SLCO6A1: variants seen among roughly 807,000 people sequenced by gnomAD.
SLCO6A1 encodes cancer/testis antigen 48.
A neutral mutation model predicts 72.7 loss-of-function variants in SLCO6A1; 65 were observed. That is an observed-to-expected ratio of 0.89 (90% CI 0.73 to 1.10). SLCO6A1 has a LOEUF of 1.10. SLCO6A1 is among the 50% of genes least tolerant of loss of function. The pLI, the probability that SLCO6A1 is intolerant of heterozygous loss-of-function variation, is 0.00. For synonymous variants in SLCO6A1, 314 were observed against 298.2 expected, an observed-to-expected ratio of 1.05 and a Z score of -0.55; for missense variants, 874 against 872.6, an observed-to-expected ratio of 1.00 and a Z score of -0.02.
chr5:102,427,945 T>G (rs1749005944), intron 7 of SLCO6A1, among the ~76,000 whole-genome samples: 1 of 147,724 alleles, frequency 6.8e-6, no homozygotes, highest in African/African-American at 2.5e-5. Context: ...ATTGGCTCAC[T>G]GTAACCTCTG....
chr5:102,475,791 T>A lies in SLCO6A1; in HGVS notation c.805A>T (p.Ile269Phe). The A allele has an allele frequency of 6.3e-7, 1 of 1,599,304 alleles. No individual in the cohort carries two copies. The highest frequency in any genetic ancestry group is 2.2e-5 in the East Asian group (1 of 44,562). Residue 269 changes from isoleucine (I) to phenylalanine (F), a missense_variant and splice_region_variant, in exon 4 of 14, where the codon ATT becomes TTT. Transcript: ENST00000506729. The part of the protein sequence containing the change: ...ATHSAGIYLG[I>F]AECTSMIGYA... ...CCAATCATTGATGTACATTCTGCAA[T>A]ACCTGTAAAATAAGCACTGAAACTG...
chr5:102,494,901 A>G (rs1752840375), intron 1 of SLCO6A1, among the ~76,000 whole-genome samples: 1 of 152,230 alleles, frequency 6.6e-6, no homozygotes. Context: ...TATCTATCCA[A>G]CAGAAACAAA....
At position 102,453,347 on chromosome 5, in the gene SLCO6A1, A is replaced by C. The variant is rs941780884; in HGVS notation, c.1131+5035T>G. On this transcript the variant is annotated intron_variant, in intron 6 of 13. Transcript: ENST00000506729. ...AGTGAGACCCTGCCTCAAAAAAAAA[A>C]AAAAAAGAAAGAAAGAAAGGAAAAA... Among the ~76,000 whole-genome samples, 102 of 152,142 alleles carry C rather than the reference A, an allele frequency of 6.7e-4. 2 individuals carry two copies. The highest frequency in any genetic ancestry group is 5.7e-3 in the Admixed American group (87 of 15,262).
intron 4 of SLCO6A1, among the ~76,000 whole-genome samples, chr5:102,473,090 A>G (rs1751711537): frequency 1.3e-5 from 2 of 152,028 alleles, no homozygotes; most frequent in South Asian, 4.1e-4. Flanking sequence ...AAATCCTCCA[A>G]GTAACTGAAG....
intron 4 of SLCO6A1, among the ~76,000 whole-genome samples, chr5:102,465,181 T>C (rs1751248595): frequency 6.6e-6 from 1 of 152,188 alleles, no homozygotes; most frequent in African/African-American, 2.4e-5. Context: ...CACTCCCATA[T>C]ATAACAAATG....
intron 6 of SLCO6A1, among the ~76,000 whole-genome samples, chr5:102,453,227 T>G (rs946437555): frequency 6.6e-6 from 1 of 151,842 alleles, no homozygotes; most frequent in African/African-American, 2.4e-5. Flanking sequence ...GGTATGGTGA[T>G]GTGCACCTAC....
At chr5:102,457,756 G>A (rs894129798) in intron 6 of SLCO6A1, among the ~76,000 whole-genome samples, 75 of 152,232 alleles carry the variant, frequency 4.9e-4, no homozygotes, top group African/African-American at 1.7e-3. Flanking sequence ...TACTGGGTAT[G>A]TACCCAAAGG....
At chr5:102,414,659 C>T (rs1237674342) in intron 8 of SLCO6A1, among the ~76,000 whole-genome samples, 4 of 151,998 alleles carry the variant, frequency 2.6e-5, no homozygotes, top group South Asian at 2.1e-4. Context: ...TTTGGGAGGT[C>T]GGGGCAGGTG....
chr5:102,395,262 T>A (rs1747003213), intron 10 of SLCO6A1, among the ~76,000 whole-genome samples: 1 of 150,778 alleles, frequency 6.6e-6, no homozygotes, highest in Non-Finnish European at 1.5e-5. Context: ...CATTGTTCAA[T>A]TCCCACCTAT....
At position 102,399,695 on chromosome 5, in the gene SLCO6A1, AT is replaced by A. The variant is rs1747294768; in HGVS notation, c.1673del (p.Asp558ValfsTer46). 1 of 1,597,004 alleles carries A rather than the reference AT, an allele frequency of 6.3e-7. No individual in the cohort carries two copies. Among genetic ancestry groups the A allele is most frequent in the Admixed American group, 1.7e-5 (1 of 59,594 alleles). The stretch of plus-strand genomic sequence containing the variant: ...TGGCATCAATAAAATCACCTTCTGC[AT>A]CTGCAGTTATTAATCCTTCTTTAAT... ...SCIKEGLITA[D>X]AEGDFIDARP... On this transcript the variant is annotated frameshift_variant, in exon 10 of 14. Transcript: ENST00000506729. LOFTEE classifies it high-confidence loss of function.
chr5:102,467,674 T>C (rs1751380608), intron 4 of SLCO6A1, among the ~76,000 whole-genome samples: 1 of 152,074 alleles, frequency 6.6e-6, no homozygotes, highest in Non-Finnish European at 1.5e-5. Context: ...TGGTATCAGT[T>C]GTAATATCTC....
intron 12 of SLCO6A1, among the ~76,000 whole-genome samples, chr5:102,377,674 T>A (rs1452669432): frequency 1.3e-5 from 2 of 151,746 alleles, no homozygotes; most frequent in African/African-American, 4.8e-5. Flanking sequence ...GACATATATA[T>A]AGATATAGAT....
intron 8 of SLCO6A1, among the ~76,000 whole-genome samples, chr5:102,415,507 T>C (rs887634596): frequency 4.6e-5 from 7 of 152,190 alleles, no homozygotes; most frequent in African/African-American, 1.7e-4. Context: ...GATTGTTATG[T>C]ATAAGAGAAT....
intron 6 of SLCO6A1, among the ~76,000 whole-genome samples, chr5:102,454,690 TAAAAC>T (rs1216519357): frequency 1.3e-5 from 2 of 151,768 alleles, no homozygotes; most frequent in African/African-American, 4.8e-5. Flanking sequence ...GCAGTAAACT[TAAAAC>T]AAACAAAAAA....
chr5:102,421,556 A>C (rs1162068070), intron 7 of SLCO6A1, among the ~76,000 whole-genome samples: 1 of 152,150 alleles, frequency 6.6e-6, no homozygotes, highest in African/African-American at 2.4e-5. Flanking sequence ...CAGTGTAGCC[A>C]GACTGCCTCT....
chr5:102,437,205 T>C (rs1002235594), intron 7 of SLCO6A1, among the ~76,000 whole-genome samples: 10 of 152,198 alleles, frequency 6.6e-5, no homozygotes, highest in Non-Finnish European at 4.4e-5. Context: ...GAAAGCACTC[T>C]GCTCAGCCTC....
At chr5:102,475,571 T>C (rs1475456564) in intron 4 of SLCO6A1, 126 bp downstream of exon 4, 2 of 560,010 alleles carry the variant, frequency 3.6e-6, no homozygotes, top group Admixed American at 3.5e-5. Flanking sequence ...ATGTCACATT[T>C]GCATATATTT....
Position 102,459,786 on chromosome 5 carries a change from A to T in SLCO6A1, c.900-9T>A, listed in dbSNP as rs11746217. 2.6e-6 allele frequency: 4 copies of T among 1,554,962 alleles called. No individual in the cohort carries two copies. Among genetic ancestry groups the T allele is most frequent in the Non-Finnish European group, 3.5e-6 (4 of 1,159,334 alleles). ...CATTATTGACTGTAGTGCTTTAATA[A>T]AGAAAAGTGAAAAAAAAAAGCAACT... On this transcript the variant is annotated splice_polypyrimidine_tract_variant and intron_variant, in intron 4 of 13. Transcript: ENST00000506729.
At chr5:102,472,812 A>G (rs1751696362) in intron 4 of SLCO6A1, among the ~76,000 whole-genome samples, 1 of 152,072 alleles carries the variant, frequency 6.6e-6, no homozygotes. Flanking sequence ...ACTAAATGCC[A>G]CAGAAGTAAG....
Sources: gnomAD v4.1 joint callset for allele counts (sites outside exome capture counted in the v4.1 genomes callset) on GRCh38, gnomAD v4.1.1 for gene constraint, MANE v1.5 for transcripts, NCBI Gene and HGNC (gene_info 2026-07-23, HGNC 2026-07-21) for gene names.